The following MARCO variants were observed in gnomAD, a reference collection of about 807,000 sequenced individuals.
MARCO encodes macrophage receptor with collagenous structure, also known as macrophage receptor MARCO.
In MARCO, 72 loss-of-function variants were observed where a neutral mutation model predicts 70.0. The ratio of observed to expected loss-of-function variants is 1.03; its 90% confidence interval spans 0.85 to 1.25. The LOEUF (loss-of-function observed/expected upper bound fraction) is 1.25, where lower values mean the gene tolerates loss of function less well. Ranked by LOEUF, MARCO falls within the 50% of genes most tolerant of loss-of-function variation. The pLI is 0.00. For missense variants in MARCO, 696 were observed against 659.3 expected, an observed-to-expected ratio of 1.06 and a Z score of -0.61; for synonymous variants, 273 against 243.1, an observed-to-expected ratio of 1.12 and a Z score of -1.14.
At chr2:118,956,157 A>C (rs1679833243) in intron 1 of MARCO, among the ~76,000 whole-genome samples, 1 of 152,226 alleles carries the variant, frequency 6.6e-6, no homozygotes, top group South Asian at 2.1e-4. Flanking sequence ...CTAGCATTAA[A>C]TATAAATGGC....
In MARCO at chr2:118,982,210, G is replaced by A; in HGVS notation, c.956G>A (p.Gly319Asp). 2 of 1,613,408 alleles carry A rather than the reference G, an allele frequency of 1.2e-6. No individual in the cohort carries two copies. Among genetic ancestry groups the A allele is most frequent in the East Asian group, 4.5e-5 (2 of 44,842 alleles). ...CCTCCTGGTGCAGTGGGACACCCAG[G>A]TGCCAAGGGTGAGCCTGGCAGTGCT... Reference protein sequence around the residue: ...PGPPGAVGHPGAKGEPGSAGS... With the variant: ...PGPPGAVGHPDAKGEPGSAGS... Residue 319 changes from glycine to aspartate, a missense_variant, in exon 11 of 17, where the codon GGT becomes GAT. Gly to Asp is a moderately conservative substitution (Grantham distance 94, BLOSUM62 -1). This residue lies in a region of MARCO where 605 missense variants were observed against 537.6 expected (regional missense o/e 1.13). Transcript: ENST00000327097.
At chr2:118,965,397 AT>A (rs1310369242) in intron 1 of MARCO, among the ~76,000 whole-genome samples, 1 of 151,762 alleles carries the variant, frequency 6.6e-6, no homozygotes, top group Non-Finnish European at 1.5e-5. Context: ...TATAGTTTCC[AT>A]TTGGTTCTTT....
At chr2:118,990,756 A>C in intron 13 of MARCO, 123 bp downstream of exon 13, 4 of 898,104 alleles carry the variant, frequency 4.5e-6, no homozygotes, top group Non-Finnish European at 7.1e-6. Flanking sequence ...GGAGGTTAAG[A>C]CTCCAGGGCT....
intron 3 of MARCO, among the ~76,000 whole-genome samples, chr2:118,970,560 G>A (rs1680146544): frequency 6.6e-6 from 1 of 152,172 alleles, no homozygotes; most frequent in Non-Finnish European, 1.5e-5. Flanking sequence ...GCGGTTCCCT[G>A]GACCACTCCC....
chr2:118,981,020 T>C (rs1680377962), intron 8 of MARCO, among the ~76,000 whole-genome samples: 2 of 152,222 alleles, frequency 1.3e-5, no homozygotes, highest in Non-Finnish European at 1.5e-5. Flanking sequence ...AGAGTTGCTA[T>C]TCTCAGCATT....
intron 9 of MARCO, 46 bp downstream of exon 9, chr2:118,981,553 T>A (rs1361210912): frequency 2.2e-6 from 3 of 1,335,034 alleles, no homozygotes; most frequent in Non-Finnish European, 1.0e-6. Flanking sequence ...GGTATTTCCT[T>A]TTTTTTTTTT....
intron 12 of MARCO, among the ~76,000 whole-genome samples, chr2:118,989,964 G>GA (rs1267099550): frequency 4.6e-5 from 7 of 151,808 alleles, no homozygotes; most frequent in South Asian, 2.1e-4. Flanking sequence ...AAAGTTTACT[G>GA]AAAAAAAAGG....
rs772908466 is a variant in MARCO, at chr2:118,986,672, G to GGAAAAAAAGAAAGAAA, written c.1064-3913_1064-3912insAAAAGAAAGAAAGAAA. Among the ~76,000 whole-genome samples the GGAAAAAAAGAAAGAAA allele has an allele frequency of 8.2e-4, 40 of 48,692 alleles. 5 individuals carry two copies. Among genetic ancestry groups the GGAAAAAAAGAAAGAAA allele is most frequent in the African/African-American group, 4.8e-3 (36 of 7,458 alleles). 31.9% of individuals were successfully genotyped at this position (48,692 alleles called of 152,430 possible). A position where few individuals can be genotyped will look rare whatever the true frequency, so the allele number is the denominator to read the frequency against. Reference sequence around the variant, plus strand: ...AAGAAAGAAGGAAGGAAGGAAGGAAGGAAAGAAAGAAAGAAAGAAAGAAAG... The same window carrying GGAAAAAAAGAAAGAAA: ...AAGAAAGAAGGAAGGAAGGAAGGAAGGAAAAAAAGAAAGAAAGAAAGAAAGAAAGAAAGAAAGAAAG... On this transcript the variant is annotated intron_variant, in intron 12 of 16. Transcript: ENST00000327097.
chr2:118,952,041 C>A (rs1462683665), intron 1 of MARCO, among the ~76,000 whole-genome samples: 2 of 152,174 alleles, frequency 1.3e-5, no homozygotes, highest in African/African-American at 4.8e-5. Context: ...TTCTCCTTCC[C>A]CTTCCCCTAG....
intron 1 of MARCO, among the ~76,000 whole-genome samples, chr2:118,967,371 C>G (rs1057058442): frequency 1.6e-4 from 25 of 152,142 alleles, no homozygotes; most frequent in Non-Finnish European, 3.4e-4. Flanking sequence ...GGTCAGGATC[C>G]ATGTGGAGGT....
At chr2:118,945,627 G>T (rs972581208) in intron 1 of MARCO, among the ~76,000 whole-genome samples, 1 of 151,822 alleles carries the variant, frequency 6.6e-6, no homozygotes, top group African/African-American at 2.4e-5. Context: ...TGGCCAAGCT[G>T]GTGTCCAACT....
At chr2:118,970,587 C>T (rs758319838) in intron 3 of MARCO, among the ~76,000 whole-genome samples, 2 of 152,160 alleles carry the variant, frequency 1.3e-5, no homozygotes, top group Non-Finnish European at 1.5e-5. Flanking sequence ...CTGACTTACA[C>T]TGACATGAGG....
Position 118,986,677 on chromosome 2 carries a change from G to A in MARCO, c.1064-3912G>A, listed in dbSNP as rs1008166328. 1.4e-3 allele frequency among the ~76,000 whole-genome samples: 57 copies of A among 40,900 alleles called. 3 individuals carry two copies. Among genetic ancestry groups the A allele is most frequent in the African/African-American group, 7.4e-3 (55 of 7,396 alleles). 26.8% of individuals were successfully genotyped at this position (40,900 alleles called of 152,430 possible). A position where few individuals can be genotyped will look rare whatever the true frequency, so the allele number is the denominator to read the frequency against. Reference sequence around the variant, plus strand: ...AGAAGGAAGGAAGGAAGGAAGGAAAGAAAGAAAGAAAGAAAGAAAGAAAGA... The same window carrying A: ...AGAAGGAAGGAAGGAAGGAAGGAAAAAAAGAAAGAAAGAAAGAAAGAAAGA... On this transcript the variant is annotated intron_variant, in intron 12 of 16. Transcript: ENST00000327097.
intron 15 of MARCO, 44 bp downstream of exon 15, chr2:118,992,520 A>G: frequency 6.7e-7 from 1 of 1,487,472 alleles, no homozygotes; most frequent in Non-Finnish European, 9.4e-7. Flanking sequence ...TTTAAAGTCA[A>G]TTCTGCACCT....
intron 4 of MARCO, among the ~76,000 whole-genome samples, chr2:118,973,044 T>A (rs1254494719): frequency 6.6e-6 from 1 of 151,876 alleles, no homozygotes; most frequent in African/African-American, 2.4e-5. Context: ...TATAGATGTA[T>A]GTACATAGAG....
At chr2:118,986,723 AAAG>A (rs1377223335) in intron 12 of MARCO, among the ~76,000 whole-genome samples, 3 of 69,640 alleles carry the variant, frequency 4.3e-5, no homozygotes, top group South Asian at 7.0e-4. Context: ...GAAAGAAAGA[AAAG>A]AAAGAAAGAA....
chr2:118,991,286 T>A (rs1463456483), intron 13 of MARCO, among the ~76,000 whole-genome samples: 1 of 147,520 alleles, frequency 6.8e-6, no homozygotes, highest in Non-Finnish European at 1.5e-5. Flanking sequence ...TAGAGACAAA[T>A]TCTCTGTGTC....
At chr2:118,970,974 T>C (rs975334012) in intron 3 of MARCO, among the ~76,000 whole-genome samples, 2 of 152,186 alleles carry the variant, frequency 1.3e-5, no homozygotes, top group Non-Finnish European at 2.9e-5. Flanking sequence ...GGTGATCCCA[T>C]GGCTAGGTCC....
At chr2:118,978,291 C>T (rs1417355203) in intron 8 of MARCO, among the ~76,000 whole-genome samples, 1 of 152,152 alleles carries the variant, frequency 6.6e-6, no homozygotes, top group Non-Finnish European at 1.5e-5. Context: ...AGGGAGACCC[C>T]AGGCAGCCAG....
Sources: allele counts gnomAD v4.1 joint callset (sites outside exome capture counted in the v4.1 genomes callset), GRCh38; gene constraint gnomAD v4.1.1; regional missense constraint gnomAD v4.1.1; transcripts MANE v1.5; gene names NCBI Gene and HGNC (gene_info 2026-07-23, HGNC 2026-07-21).